TAFA2: variants seen among roughly 807,000 people sequenced by gnomAD.
TAFA2 encodes TAFA chemokine like family member 2.
TAFA2 carries 7 observed loss-of-function variants against 18.8 expected under a neutral mutation model. The observed-to-expected ratio is 0.37, with a 90% CI of 0.21 to 0.70. The LOEUF (loss-of-function observed/expected upper bound fraction) is 0.70, where lower values mean the gene tolerates loss of function less well. TAFA2 is among the 30% of genes least tolerant of loss of function. TAFA2 has a pLI of 0.53. For synonymous variants in TAFA2, 60 were observed against 54.2 expected, an observed-to-expected ratio of 1.11 and a Z score of -0.47; for missense variants, 122 against 158.1, an observed-to-expected ratio of 0.77 and a Z score of 1.23.
chr12:61,983,136 G>A (rs1349886728), intron 1 of TAFA2, among the ~76,000 whole-genome samples: 1 of 152,114 alleles, frequency 6.6e-6, no homozygotes, highest in Non-Finnish European at 1.5e-5. Flanking sequence ...AAGCTAAAAA[G>A]CTATACAGTG....
chr12:61,857,871 G>A (rs181572249), intron 2 of TAFA2, among the ~76,000 whole-genome samples: 1 of 152,100 alleles, frequency 6.6e-6, no homozygotes, highest in Non-Finnish European at 1.5e-5. Context: ...TGGCACTTTC[G>A]TTAAGAAAGA....
intron 4 of TAFA2, among the ~76,000 whole-genome samples, chr12:61,718,175 CTT>C (rs765607409): frequency 2.0e-4 from 30 of 152,252 alleles, no homozygotes; most frequent in African/African-American, 5.5e-4. Context: ...GGAAATGAAT[CTT>C]TTGAACAGAT....
In TAFA2 at chr12:61,817,156, G is replaced by C. The variant is rs138475049; in HGVS notation, c.106+50164C>G. On this transcript the variant is annotated intron_variant, in intron 2 of 4. Coordinates refer to ENST00000416284, the MANE Select transcript of TAFA2 (RefSeq NM_178539.5). Reference sequence around the variant, plus strand: ...TGCTACATGAGGACATCCTGATATAGTGACTGGAAAGTGGGCTTATATTAA... The same window carrying C: ...TGCTACATGAGGACATCCTGATATACTGACTGGAAAGTGGGCTTATATTAA... Among the ~76,000 whole-genome samples the C allele has an allele frequency of 2.9e-3, 423 of 146,356 alleles. 25 individuals carry two copies. Among genetic ancestry groups the C allele is most frequent in the African/African-American group, 0.011 (387 of 36,014 alleles).
chr12:62,232,505 G>A (rs1293386633), intron 1 of TAFA2, among the ~76,000 whole-genome samples: 4 of 152,096 alleles, frequency 2.6e-5, no homozygotes, highest in Non-Finnish European at 5.9e-5. Flanking sequence ...ATCTACTAGA[G>A]AGTCCACGTC....
intron 1 of TAFA2, among the ~76,000 whole-genome samples, chr12:62,103,673 G>A (rs973265800): frequency 2.6e-5 from 4 of 152,010 alleles, no homozygotes; most frequent in African/African-American, 7.2e-5. Flanking sequence ...CCCGGGAGGC[G>A]GAGGTTGCGG....
intron 1 of TAFA2, among the ~76,000 whole-genome samples, chr12:61,930,751 T>G (rs1332316317): frequency 6.6e-6 from 1 of 152,230 alleles, no homozygotes; most frequent in Non-Finnish European, 1.5e-5. Context: ...TTTTCAGAAT[T>G]TTTTGTCTTC....
chr12:62,163,587 T>C (rs1435892389), intron 1 of TAFA2, among the ~76,000 whole-genome samples: 1 of 152,144 alleles, frequency 6.6e-6, no homozygotes, highest in African/African-American at 2.4e-5. Context: ...CCTTCTCATA[T>C]TCAGGGAGGT....
intron 2 of TAFA2, among the ~76,000 whole-genome samples, chr12:61,866,399 C>T (rs965775022): frequency 1.3e-5 from 2 of 152,088 alleles, no homozygotes; most frequent in South Asian, 2.1e-4. Flanking sequence ...TCTTAATTCC[C>T]CCTTCTCCCA....
chr12:62,012,352 G>A (rs1200485645), intron 1 of TAFA2, among the ~76,000 whole-genome samples: 2 of 150,842 alleles, frequency 1.3e-5, no homozygotes, highest in African/African-American at 4.9e-5. Flanking sequence ...TCCTTTAGGT[G>A]ATGTGCCCTA....
chr12:61,915,115 C>T (rs1386696296), intron 1 of TAFA2, among the ~76,000 whole-genome samples: 3 of 152,180 alleles, frequency 2.0e-5, no homozygotes, highest in South Asian at 4.2e-4. Flanking sequence ...GAGCCAAGAT[C>T]GTGCCACTGC....
intron 2 of TAFA2, among the ~76,000 whole-genome samples, chr12:61,791,776 A>C (rs1046976940): frequency 6.6e-6 from 1 of 151,736 alleles, no homozygotes; most frequent in African/African-American, 2.4e-5. Flanking sequence ...TGGGTATGTA[A>C]ATTAGTATAG....
At chr12:61,861,708 T>A (rs560989352) in intron 2 of TAFA2, among the ~76,000 whole-genome samples, 2 of 152,274 alleles carry the variant, frequency 1.3e-5, no homozygotes, top group South Asian at 2.1e-4. Context: ...TATGGCTATG[T>A]CTCCCAGGCT....
intron 1 of TAFA2, among the ~76,000 whole-genome samples, chr12:62,110,767 T>A (rs1869693320): frequency 6.6e-6 from 1 of 152,106 alleles, no homozygotes; most frequent in Non-Finnish European, 1.5e-5. Flanking sequence ...GATTTTCAAG[T>A]TTCTATACAT....
chr12:61,867,269 A>T, intron 2 of TAFA2, 51 bp downstream of exon 2: 2 of 1,131,424 alleles, frequency 1.8e-6, no homozygotes, highest in Non-Finnish European at 2.6e-6. Context: ...AGTCTGTGTT[A>T]AGGGTAGTCA....
At chr12:61,894,397 G>C (rs543716209) in intron 1 of TAFA2, among the ~76,000 whole-genome samples, 1 of 152,248 alleles carries the variant, frequency 6.6e-6, no homozygotes, top group Non-Finnish European at 1.5e-5. Flanking sequence ...TGCATGTGTT[G>C]CATTAATGTG....
intron 2 of TAFA2, among the ~76,000 whole-genome samples, chr12:61,777,696 G>A (rs1009254872): frequency 1.3e-5 from 2 of 151,024 alleles, no homozygotes; most frequent in East Asian, 2.0e-4. Context: ...TTAACCTCTC[G>A]GTGCCTTAAT....
intron 1 of TAFA2, among the ~76,000 whole-genome samples, chr12:62,094,073 T>G (rs1868839338): frequency 6.6e-6 from 1 of 152,000 alleles, no homozygotes; most frequent in South Asian, 2.1e-4. Flanking sequence ...TTAAAACTTC[T>G]TTTCGGTGGA....
intron 2 of TAFA2, among the ~76,000 whole-genome samples, chr12:61,789,018 A>G (rs920246082): frequency 1.3e-5 from 2 of 151,826 alleles, no homozygotes; most frequent in Non-Finnish European, 2.9e-5. Context: ...AACTTGTTTA[A>G]GTTCCTTGTA....
intron 4 of TAFA2, among the ~76,000 whole-genome samples, chr12:61,716,632 C>T (rs957680252): frequency 3.9e-5 from 6 of 151,952 alleles, no homozygotes; most frequent in African/African-American, 1.2e-4. Flanking sequence ...TTATGAGGAA[C>T]TATTAAACAA....
Sources: allele counts gnomAD v4.1 joint callset (sites outside exome capture counted in the v4.1 genomes callset), GRCh38; gene constraint gnomAD v4.1.1; transcripts MANE v1.5; gene names NCBI Gene and HGNC (gene_info 2026-07-23, HGNC 2026-07-21).